Variants in ANAPC16 observed in about 807,000 individuals in gnomAD.
ANAPC16 encodes the protein anaphase promoting complex subunit 16.
In ANAPC16, 6 loss-of-function variants were observed where a neutral mutation model predicts 13.1. The ratio of observed to expected loss-of-function variants is 0.46; its 90% CI spans 0.25 to 0.90. The LOEUF (loss-of-function observed/expected upper bound fraction) is 0.90, where lower values mean the gene tolerates loss of function less well. ANAPC16 is among the 40% of genes least tolerant of loss of function. The pLI, the probability that ANAPC16 is intolerant of heterozygous loss-of-function variation, is 0.18. For synonymous variants in ANAPC16, 55 were observed against 51.3 expected, an observed-to-expected ratio of 1.07 and a Z score of -0.31; for missense variants, 113 against 131.1, an observed-to-expected ratio of 0.86 and a Z score of 0.67.
At chr10:72,224,486 G>C (rs368780846) in intron 2 of ANAPC16, among the ~76,000 whole-genome samples, 1 of 151,868 alleles carries the variant, frequency 6.6e-6, no homozygotes, top group African/African-American at 2.4e-5. Context: ...GGTGGTAGGC[G>C]CCTGTAATCC....
rs1260050952 is a variant in ANAPC16 at position 72,233,895 on chromosome 10, T to C, written c.*779T>C. 6.6e-6 allele frequency: 1 copy of C among 152,616 alleles called. No individual in the cohort carries two copies. The highest frequency in any genetic ancestry group is 1.5e-5 in the Non-Finnish European group (1 of 68,038). The allele number at this position is 152,616 out of a possible 1,614,324, so 9.5% of individuals were successfully genotyped here. A position where few individuals can be genotyped will look rare whatever the true frequency, so the allele number is the denominator to read the frequency against. On this transcript the variant is annotated 3_prime_UTR_variant, in exon 4 of 4. Coordinates refer to ENST00000299381, the MANE Select transcript of ANAPC16 (RefSeq NM_173473.4). ...GAAGTGAAGAGGTCAAATTACTTTT[T>C]AGAAGAAGGGAATCTAAAAACCATC...
intron 3 of ANAPC16, among the ~76,000 whole-genome samples, chr10:72,231,602 G>C (rs1280169892): frequency 6.6e-6 from 1 of 152,142 alleles, no homozygotes; most frequent in Non-Finnish European, 1.5e-5. Flanking sequence ...TGTCACCCGG[G>C]CTGGAGTGCA....
chr10:72,233,095 A>C lies in ANAPC16; in HGVS notation c.312A>C (p.Gly104=). Residue 104 remains glycine, a synonymous_variant, in exon 4 of 4, where the codon GGA becomes GGC. Coordinates refer to ENST00000299381, the MANE Select transcript of ANAPC16 (RefSeq NM_173473.4). ...TTAAGCCCATCGAGCAGCTGCTGGG[A>C]TTCACCCCCTCTTCAGGTTGATACT... The part of the protein sequence containing the change: ...WRFKPIEQLL[G]FTPSSG The C allele has an allele frequency of 6.2e-7, 1 of 1,614,010 alleles. No homozygotes were observed. The highest frequency in any genetic ancestry group is 8.5e-7 in the Non-Finnish European group (1 of 1,179,988).
chr10:72,220,536 A>G (rs1859879088), intron 1 of ANAPC16, among the ~76,000 whole-genome samples: 1 of 151,670 alleles, frequency 6.6e-6, no homozygotes. Context: ...ACCTGAGGTC[A>G]GGTCCCAGCG....
intron 1 of ANAPC16, among the ~76,000 whole-genome samples, chr10:72,221,200 G>C (rs575724604): frequency 2.0e-5 from 3 of 152,298 alleles, no homozygotes; most frequent in Admixed American, 2.0e-4. Context: ...ACAGGCGTTA[G>C]CCACCAGCCT....
intron 2 of ANAPC16, among the ~76,000 whole-genome samples, chr10:72,226,722 T>C (rs985447781): frequency 2.0e-5 from 3 of 150,914 alleles, no homozygotes; most frequent in Admixed American, 6.6e-5. Flanking sequence ...TTGGGGGTGA[T>C]GAATAATCAG....
At chr10:72,222,333 G>A (rs1039823173) in intron 1 of ANAPC16, among the ~76,000 whole-genome samples, 2 of 151,732 alleles carry the variant, frequency 1.3e-5, no homozygotes, top group South Asian at 2.1e-4. Context: ...CAGGAGAATC[G>A]CTTGAACCTG....
At position 72,217,282 on chromosome 10, in the gene ANAPC16, G is replaced by T. The variant is rs562735383; in HGVS notation, c.-28+1144G>T. On this transcript the variant is annotated intron_variant, in intron 1 of 3. Transcript: ENST00000299381. ...GAGGTCAGGAGATCGAGACCATCCT[G>T]GCTAACACGGTGAAACCCCGTCTCT... 1.3e-3 allele frequency: 430 copies of T among 336,308 alleles called. 6 individuals are homozygous for T. Among genetic ancestry groups the T allele is most frequent in the South Asian group, 1.0e-2 (422 of 42,258 alleles). 20.8% of individuals were successfully genotyped at this position (336,308 alleles called of 1,614,324 possible).
At chr10:72,219,649 A>G (rs1265160506) in intron 1 of ANAPC16, among the ~76,000 whole-genome samples, 1 of 152,204 alleles carries the variant, frequency 6.6e-6, no homozygotes, top group African/African-American at 2.4e-5. Flanking sequence ...AGGTGAGAGG[A>G]TAACTTGTAC....
intron 1 of ANAPC16, among the ~76,000 whole-genome samples, chr10:72,222,035 C>A (rs1010353924): frequency 6.7e-6 from 1 of 148,726 alleles, no homozygotes; most frequent in Non-Finnish European, 1.5e-5. Context: ...GCCATTTTTT[C>A]TTTAAAAAAT....
chr10:72,216,061 G>C lies in ANAPC16; in HGVS notation c.-105G>C, dbSNP rs1450488831. On this transcript the variant is annotated 5_prime_UTR_variant, in exon 1 of 4. Coordinates refer to ENST00000299381, the MANE Select transcript of ANAPC16 (RefSeq NM_173473.4). ...TCTGTTGGGGGGCGAACACGCCGCG[G>C]TCCTCGTCGTGGTGAGCGCAGCCAC... The C allele has an allele frequency of 6.6e-6, 1 of 152,362 alleles. No individual in the cohort carries two copies. The highest frequency in any genetic ancestry group is 1.5e-5 in the Non-Finnish European group (1 of 68,160). The allele number at this position is 152,362 out of a possible 1,614,324, so 9.4% of individuals were successfully genotyped here. A position where few individuals can be genotyped will look rare whatever the true frequency, so the allele number is the denominator to read the frequency against.
At position 72,223,864 on chromosome 10, in the gene ANAPC16, A is replaced by G. The variant is rs370698198; in HGVS notation, c.-27-24A>G. 46 of 1,473,888 alleles carry G rather than the reference A, an allele frequency of 3.1e-5. No individual in the cohort carries two copies. The African/African-American group carries it at 4.7e-4, about 15-fold the overall frequency. The allele number at this position is 1,473,888 out of a possible 1,614,324, so 91.3% of individuals were successfully genotyped here. On this transcript the variant is annotated intron_variant, in intron 1 of 3. Transcript: ENST00000299381. ...CACTCTCACTTCCATAAACTTGCCA[A>G]TTGCTGTTTTTCTTTCTCTGTAGTG...
intron 2 of ANAPC16, among the ~76,000 whole-genome samples, chr10:72,225,674 G>A (rs932849304): frequency 1.3e-5 from 2 of 152,156 alleles, no homozygotes; most frequent in Non-Finnish European, 2.9e-5. Context: ...GGCCAAGGCA[G>A]GCAGATCACA....
At chr10:72,222,924 T>A (rs1564792038) in intron 1 of ANAPC16, among the ~76,000 whole-genome samples, 1 of 152,174 alleles carries the variant, frequency 6.6e-6, no homozygotes, top group Non-Finnish European at 1.5e-5. Flanking sequence ...CTCGTTAACA[T>A]TTGCATTTTT....
chr10:72,217,330 C>T (rs951928365), intron 1 of ANAPC16, among the ~76,000 whole-genome samples: 2 of 151,932 alleles, frequency 1.3e-5, no homozygotes, highest in East Asian at 1.9e-4. Context: ...AAAAAATTAG[C>T]CGGGTGTGGT....
intron 1 of ANAPC16, among the ~76,000 whole-genome samples, chr10:72,216,533 C>T (rs1314295491): frequency 1.4e-5 from 2 of 140,356 alleles, no homozygotes; most frequent in South Asian, 2.3e-4. Flanking sequence ...GGGTTGTAAT[C>T]CAGCTGTTTT....
chr10:72,227,437 T>C (rs976021018), intron 2 of ANAPC16, among the ~76,000 whole-genome samples: 21 of 152,308 alleles, frequency 1.4e-4, no homozygotes, highest in Admixed American at 6.5e-4. Context: ...TTGTGTTTCT[T>C]ACATTTCAAG....
intron 1 of ANAPC16, chr10:72,216,927 G>C: frequency 2.2e-6 from 1 of 456,148 alleles, no homozygotes; most frequent in Non-Finnish European, 4.4e-6. Context: ...AGAGTTGTGC[G>C]AATAGATCTG....
At chr10:72,231,314 G>T (rs1442234636) in intron 3 of ANAPC16, among the ~76,000 whole-genome samples, 15 of 152,168 alleles carry the variant, frequency 9.9e-5, no homozygotes, top group Non-Finnish European at 1.6e-4. Flanking sequence ...GAAGCAGGAA[G>T]ACTGCTTGAG....
Sources: gnomAD v4.1 joint callset for allele counts (sites outside exome capture counted in the v4.1 genomes callset) on GRCh38, gnomAD v4.1.1 for gene constraint, MANE v1.5 for transcripts, NCBI Gene and HGNC (gene_info 2026-07-23, HGNC 2026-07-21) for gene names.